The following CTNNA2 variants were observed in gnomAD, a reference collection of about 807,000 sequenced individuals.
CTNNA2 encodes catenin alpha-2.
In CTNNA2, 42 loss-of-function variants were observed where a neutral mutation model predicts 101.0. The observed-to-expected ratio is 0.42, with a 90% CI of 0.32 to 0.54. CTNNA2 has a LOEUF of 0.54. CTNNA2 is among the 20% of genes least tolerant of loss of function. The pLI, the probability that CTNNA2 is intolerant of heterozygous loss-of-function variation, is 0.14. For missense variants in CTNNA2, 871 were observed against 1,223.1 expected (o/e 0.71, Z 4.29); for synonymous variants, 450 against 456.4 (o/e 0.99, Z 0.18).
chr2:80,568,249 A>T (rs770035455), intron 12 of CTNNA2, among the ~76,000 whole-genome samples: 1 of 152,218 alleles, frequency 6.6e-6, no homozygotes, highest in African/African-American at 2.4e-5. Flanking sequence ...TTACTGAACC[A>T]ATGCTAAATG....
chr2:79,437,298 G>T (rs1198288735), intron 4 of CTNNA2, among the ~76,000 whole-genome samples: 4 of 151,912 alleles, frequency 2.6e-5, no homozygotes, highest in Admixed American at 2.6e-4. Context: ...TTCTTAAGAA[G>T]AACTTCTCAA....
intron 7 of CTNNA2, among the ~76,000 whole-genome samples, chr2:80,237,462 C>A (rs1027859845): frequency 3.9e-5 from 6 of 152,048 alleles, no homozygotes; most frequent in Admixed American, 6.6e-5. Flanking sequence ...AGCATCTATA[C>A]ATAGGTGTAA....
intron 6 of CTNNA2, among the ~76,000 whole-genome samples, chr2:79,880,646 G>T (rs999638337): frequency 6.6e-6 from 1 of 152,118 alleles, no homozygotes; most frequent in Non-Finnish European, 1.5e-5. Flanking sequence ...TTGTATTTCT[G>T]TGGGGTCAAT....
chr2:79,993,499 G>A (rs1692324988), intron 7 of CTNNA2, among the ~76,000 whole-genome samples: 1 of 152,254 alleles, frequency 6.6e-6, no homozygotes, highest in African/African-American at 2.4e-5. Flanking sequence ...CAAAGATGCA[G>A]TATACAGTCA....
chr2:79,998,667 T>C (rs1574502791), intron 7 of CTNNA2, among the ~76,000 whole-genome samples: 1 of 152,326 alleles, frequency 6.6e-6, no homozygotes, highest in South Asian at 2.1e-4. Flanking sequence ...TGCACTTTTG[T>C]GGGAATTTTA....
At chr2:80,074,248 G>T (rs1698538015) in intron 7 of CTNNA2, among the ~76,000 whole-genome samples, 1 of 152,064 alleles carries the variant, frequency 6.6e-6, no homozygotes, top group South Asian at 2.1e-4. Context: ...ATTATGCAAA[G>T]CACACTCCAT....
At chr2:79,520,826 C>T (rs959051875) in intron 1 of CTNNA2, among the ~76,000 whole-genome samples, 2 of 151,884 alleles carry the variant, frequency 1.3e-5, no homozygotes, top group Non-Finnish European at 1.5e-5. Flanking sequence ...CTGGCAATAC[C>T]AAGTTTTGGA....
chr2:80,390,446 C>T (rs1269397996), intron 7 of CTNNA2, among the ~76,000 whole-genome samples: 13 of 152,116 alleles, frequency 8.5e-5, no homozygotes, highest in Non-Finnish European at 1.5e-5. Context: ...TTTACAGTTG[C>T]AGGATATTGA....
At chr2:79,440,099 G>T (rs1008191679) in intron 4 of CTNNA2, among the ~76,000 whole-genome samples, 55 of 151,910 alleles carry the variant, frequency 3.6e-4, no homozygotes, top group African/African-American at 1.3e-3. Context: ...TGGCACCCAG[G>T]ACATTTTGTT....
Position 79,655,960 on chromosome 2 carries a change from G to T in CTNNA2, c.102+4302G>T, listed in dbSNP as rs78417371. ...ACAGTGAAGTGGCTAATTCATATTT[G>T]TTCACATAATACAGTAGAATGCTTA... On this transcript the variant is annotated intron_variant, in intron 2 of 18. Coordinates refer to ENST00000402739, the MANE Select transcript of CTNNA2 (RefSeq NM_001282597.3). Among the ~76,000 whole-genome samples the T allele has an allele frequency of 1.8e-3, 272 of 152,090 alleles. 2 individuals carry two copies. In the East Asian group the frequency reaches 0.047, roughly 26 times the overall value.
At chr2:79,957,924 A>T (rs1325682527) in intron 7 of CTNNA2, among the ~76,000 whole-genome samples, 2 of 152,234 alleles carry the variant, frequency 1.3e-5, no homozygotes, top group African/African-American at 4.8e-5. Context: ...TAGGGATTAA[A>T]TGTAATCATT....
At chr2:79,345,260 C>A (rs2104433046) in intron 3 of CTNNA2, among the ~76,000 whole-genome samples, 1 of 152,136 alleles carries the variant, frequency 6.6e-6, no homozygotes, top group East Asian at 1.9e-4. Flanking sequence ...ACCAGTTGTT[C>A]AATTTTCCCT....
intron 4 of CTNNA2, among the ~76,000 whole-genome samples, chr2:79,463,136 G>A (rs976490529): frequency 6.6e-6 from 1 of 152,188 alleles, no homozygotes; most frequent in African/African-American, 2.4e-5. Context: ...TCTTGGCTGG[G>A]CGCAGTGGCT....
chr2:79,839,042 T>A (rs952536437), intron 3 of CTNNA2, among the ~76,000 whole-genome samples: 5 of 152,080 alleles, frequency 3.3e-5, no homozygotes, highest in African/African-American at 1.2e-4. Context: ...AATTTATTAA[T>A]CTTTTAAGCG....
At chr2:80,636,101 T>A (rs1020268627) in intron 18 of CTNNA2, among the ~76,000 whole-genome samples, 1 of 151,676 alleles carries the variant, frequency 6.6e-6, no homozygotes, top group Non-Finnish European at 1.5e-5. Context: ...TAACCTGCCA[T>A]TTGCTACTTT....
intron 7 of CTNNA2, among the ~76,000 whole-genome samples, chr2:80,138,014 A>G (rs549111415): frequency 6.6e-6 from 1 of 152,256 alleles, no homozygotes; most frequent in East Asian, 1.9e-4. Flanking sequence ...TGTCAATTTT[A>G]CAAAGGAGAA....
intron 7 of CTNNA2, among the ~76,000 whole-genome samples, chr2:80,350,114 G>A (rs1036648227): frequency 6.6e-5 from 10 of 152,216 alleles, no homozygotes; most frequent in Non-Finnish European, 1.2e-4. Context: ...GCAAGAGAAG[G>A]TATTCTTTAA....
chr2:79,236,115 T>G (rs1674554462), intron 2 of CTNNA2, among the ~76,000 whole-genome samples: 2 of 151,942 alleles, frequency 1.3e-5, no homozygotes, highest in African/African-American at 4.8e-5. Flanking sequence ...AATACTGGAG[T>G]GGAATCACTA....
chr2:80,036,860 A>T (rs1043576510), intron 7 of CTNNA2, among the ~76,000 whole-genome samples: 8 of 150,624 alleles, frequency 5.3e-5, no homozygotes, highest in South Asian at 4.2e-4. Flanking sequence ...AGAGAGAGAG[A>T]GAGAGAGAGA....
Sources: allele counts gnomAD v4.1 joint callset (sites outside exome capture counted in the v4.1 genomes callset), GRCh38; gene constraint gnomAD v4.1.1; transcripts MANE v1.5; gene names NCBI Gene and HGNC (gene_info 2026-07-23, HGNC 2026-07-21).